The following KCNQ4 variants were observed in gnomAD, a reference collection of about 807,000 sequenced individuals.
The protein encoded by KCNQ4 is potassium voltage-gated channel subfamily KQT member 4.
In KCNQ4, 31 loss-of-function variants were observed where a neutral mutation model predicts 72.6. The observed-to-expected ratio is 0.43, with a 90% CI of 0.32 to 0.58. KCNQ4 has a LOEUF of 0.58. Among genes scored for constraint, KCNQ4 ranks in the 20% least tolerant of loss-of-function variants. The pLI is 0.08. For missense variants in KCNQ4, 869 were observed against 962.6 expected, an observed-to-expected ratio of 0.90 and a Z score of 1.29; for synonymous variants, 405 against 403.7, an observed-to-expected ratio of 1.00 and a Z score of -0.04.
intron 1 of KCNQ4, among the ~76,000 whole-genome samples, chr1:40,809,578 T>C (rs1161795862): frequency 6.6e-6 from 1 of 152,212 alleles, no homozygotes; most frequent in African/African-American, 2.4e-5. Flanking sequence ...CCCTACTTCC[T>C]GCGGTGTTTT....
At position 40,819,219 on chromosome 1, in the gene KCNQ4, C is replaced by G; in HGVS notation, c.709-128C>G. 2.6e-6 allele frequency: 3 copies of G among 1,145,320 alleles called. No homozygotes were observed. The South Asian group carries it at 3.9e-5, about 15-fold the overall frequency. 70.9% of individuals were successfully genotyped at this position (1,145,320 alleles called of 1,614,324 possible). On this transcript the variant is annotated intron_variant, in intron 4 of 13. Transcript: ENST00000347132. Reference sequence around the variant, plus strand: ...GGCAGGGTCGCCGTGATGGGAGGAGCTGAGAAAGAAAAGCGAGCCTGGGAC... The same window carrying G: ...GGCAGGGTCGCCGTGATGGGAGGAGGTGAGAAAGAAAAGCGAGCCTGGGAC...
At position 40,799,436 on chromosome 1, in the gene KCNQ4, C is replaced by A. The variant is rs1445867810; in HGVS notation, c.314+15029C>A. Reference sequence around the variant, plus strand: ...GGAGGCAAATGTGTGGGCCATGCCCCCCCCCTCGCTAGGCAGTAAACACTG... The same window carrying A: ...GGAGGCAAATGTGTGGGCCATGCCCACCCCCTCGCTAGGCAGTAAACACTG... On this transcript the variant is annotated intron_variant, in intron 1 of 13. Transcript: ENST00000347132. Among the ~76,000 whole-genome samples, 3 of 151,942 alleles carry A rather than the reference C, an allele frequency of 2.0e-5. No individual in the cohort carries two copies. The South Asian group carries it at 6.2e-4, about 32-fold the overall frequency.
chr1:40,818,942 T>A, intron 4 of KCNQ4: 1 of 597,728 alleles, frequency 1.7e-6, no homozygotes, highest in South Asian at 2.0e-5. Flanking sequence ...TTCCCCTGGA[T>A]GCTTCTGGGT....
chr1:40,835,921 T>A (rs1400621735), intron 12 of KCNQ4, among the ~76,000 whole-genome samples: 1 of 151,104 alleles, frequency 6.6e-6, no homozygotes, highest in Non-Finnish European at 1.5e-5. Context: ...GAGTGAGAGG[T>A]AGGAGGTGAG....
At chr1:40,793,812 C>T (rs1647336383) in intron 1 of KCNQ4, among the ~76,000 whole-genome samples, 1 of 152,208 alleles carries the variant, frequency 6.6e-6, no homozygotes, top group Non-Finnish European at 1.5e-5. Flanking sequence ...TCCTTCAACT[C>T]CCAGTTTGAG....
intron 1 of KCNQ4, among the ~76,000 whole-genome samples, chr1:40,813,058 A>C (rs1647973049): frequency 6.6e-6 from 1 of 152,158 alleles, no homozygotes; most frequent in African/African-American, 2.4e-5. Flanking sequence ...GGAGGTGGAA[A>C]TATGTTAGGT....
rs1441352332 is a variant in KCNQ4, at chr1:40,788,995, C to G, written c.314+4588C>G. The stretch of plus-strand genomic sequence containing the variant: ...ACAGACACTCACCATGGACACACAC[C>G]CGGGCCCGTGGCTCCAGCCCAGACC... On this transcript the variant is annotated intron_variant, in intron 1 of 13. Transcript: ENST00000347132. This position sits in a 1 kb window ranked among gnomAD's most constrained non-coding sequence, Gnocchi z 4.5. Among the ~76,000 whole-genome samples the G allele has an allele frequency of 6.6e-6, 1 of 152,204 alleles. No individual in the cohort carries two copies. The highest frequency in any genetic ancestry group is 1.5e-5 in the Non-Finnish European group (1 of 68,042).
Position 40,838,539 on chromosome 1 carries a change from C to A in KCNQ4, c.*16C>A, listed in dbSNP as rs772514841. 2 of 1,611,550 alleles carry A rather than the reference C, an allele frequency of 1.2e-6. No homozygotes were observed. Among genetic ancestry groups the A allele is most frequent in the Non-Finnish European group, 1.7e-6 (2 of 1,177,692 alleles). On this transcript the variant is annotated 3_prime_UTR_variant, in exon 14 of 14. Transcript: ENST00000347132. ...CATGGACTGAGGGACTTCTCAGAGG[C>A]AGGGCAGCACACGGCCAGCCCCGCG... is the stretch of plus-strand genomic sequence containing the variant.
Position 40,784,366 on chromosome 1 carries a change from G to A in KCNQ4, c.273G>A (p.Leu91=). The A allele has an allele frequency of 6.2e-7, 1 of 1,610,210 alleles. No homozygotes were observed. Among genetic ancestry groups the A allele is most frequent in the Non-Finnish European group, 8.5e-7 (1 of 1,179,400 alleles). The change falls in exon 1 of 14, where the codon CTG becomes CTA. Residue 91 remains leucine (L), a synonymous_variant. Coordinates refer to ENST00000347132, the MANE Select transcript of KCNQ4 (RefSeq NM_004700.4). This position sits in a 1 kb window ranked among gnomAD's most constrained non-coding sequence, Gnocchi z 4.1. ...TGCAGAACTGGGTCTACAACGTGCTGGAGCGGCCCCGCGGCTGGGCCTTCG... is the reference window on the plus strand; with the variant it reads ...TGCAGAACTGGGTCTACAACGTGCTAGAGCGGCCCCGCGGCTGGGCCTTCG... The part of the protein sequence containing the change: ...RRLQNWVYNV[L]ERPRGWAFVY...
chr1:40,784,230 G>A lies in KCNQ4; in HGVS notation c.137G>A (p.Gly46Asp), dbSNP rs774239825. Residue 46 changes from glycine to aspartate, a missense_variant, in exon 1 of 14, where the codon GGC (glycine) becomes GAC (aspartate). By Grantham distance (94) the Gly-to-Asp change is moderately conservative. Around this residue, in one of 5 missense-constraint regions of KCNQ4, gnomAD observed 178 missense variants for 145.3 expected, o/e 1.22. Transcript: ENST00000347132. This position sits in a 1 kb window ranked among gnomAD's most constrained non-coding sequence, Gnocchi z 4.1. ...GGGGGCGGCTCCCCGCGCCGCCTCGGCCTCCTGGGCAGCCCCCTGCCGCCG... is the reference window on the plus strand; with the variant it reads ...GGGGGCGGCTCCCCGCGCCGCCTCGACCTCCTGGGCAGCCCCCTGCCGCCG... ...AGGGGSPRRL[G>D]LLGSPLPPGA... The A allele has an allele frequency of 2.7e-5, 33 of 1,221,478 alleles. No homozygotes were observed. The South Asian group carries it at 9.5e-4, about 35-fold the overall frequency. The allele number at this position is 1,221,478 out of a possible 1,614,324, so 75.7% of individuals were successfully genotyped here.
At position 40,818,260 on chromosome 1, in the gene KCNQ4, C is replaced by G. The variant is rs1201758120; in HGVS notation, c.502C>G (p.Arg168Gly). 6.2e-7 allele frequency: 1 copy of G among 1,613,864 alleles called. No individual in the cohort carries two copies. Among genetic ancestry groups the G allele is most frequent in the African/African-American group, 1.3e-5 (1 of 74,922 alleles). The change falls in exon 3 of 14, where the codon CGC becomes GGC. Residue 168 changes from arginine to glycine, a missense_variant. This residue lies in a region of KCNQ4 where 179 missense variants were observed against 243.0 expected (regional missense o/e 0.74). Coordinates refer to ENST00000347132, the MANE Select transcript of KCNQ4 (RefSeq NM_004700.4). ...CRYRGWQGRFRFARKPFCVID... is the reference protein window; with the variant it reads ...CRYRGWQGRFGFARKPFCVID... ...CTACCGAGGATGGCAGGGTCGCTTC[C>G]GCTTTGCCAGAAAGCCCTTCTGTGT...
chr1:40,785,553 C>T (rs1266716297), intron 1 of KCNQ4, among the ~76,000 whole-genome samples: 2 of 152,134 alleles, frequency 1.3e-5, no homozygotes, highest in African/African-American at 2.4e-5. Flanking sequence ...CACCTGTGTG[C>T]GAGTTGGCCA....
At chr1:40,823,076 T>C (rs1271910718) in intron 8 of KCNQ4, among the ~76,000 whole-genome samples, 3 of 152,208 alleles carry the variant, frequency 2.0e-5, no homozygotes, top group Non-Finnish European at 2.9e-5. Flanking sequence ...ATCAAGCTTG[T>C]GGCTGGGGCA....
intron 5 of KCNQ4, 37 bp from the exon 6 acceptor site, chr1:40,819,838 G>A (rs1648230397): frequency 6.5e-7 from 1 of 1,536,518 alleles, no homozygotes. Context: ...GGTGGCCCCC[G>A]TGACCAGTCC....
intron 1 of KCNQ4, among the ~76,000 whole-genome samples, chr1:40,802,656 G>A (rs957209361): frequency 2.0e-5 from 3 of 152,190 alleles, no homozygotes; most frequent in Non-Finnish European, 4.4e-5. Context: ...AGGGGGCCGA[G>A]GGCTGTGCTG....
intron 1 of KCNQ4, among the ~76,000 whole-genome samples, chr1:40,807,909 G>A (rs976593713): frequency 2.0e-5 from 3 of 152,144 alleles, no homozygotes; most frequent in African/African-American, 7.2e-5. Context: ...ACTTGAGCTT[G>A]GGGGTTGGAG....
At chr1:40,795,541 C>T (rs755866843) in intron 1 of KCNQ4, among the ~76,000 whole-genome samples, 2 of 152,136 alleles carry the variant, frequency 1.3e-5, no homozygotes, top group Non-Finnish European at 2.9e-5. Context: ...AGATTACGGA[C>T]ATGAGCCACT....
intron 1 of KCNQ4, among the ~76,000 whole-genome samples, chr1:40,811,081 A>G (rs1331650927): frequency 6.6e-6 from 1 of 152,134 alleles, no homozygotes; most frequent in Non-Finnish European, 1.5e-5. Flanking sequence ...CCCTCTCCTT[A>G]TCAGGGTGAT....
In KCNQ4 at chr1:40,837,742, A is replaced by C; in HGVS notation, c.1823A>C (p.Glu608Ala). The stretch of plus-strand genomic sequence containing the variant: ...GGCGACAAGGGGCCCTCCGACGCGG[A>C]GGTGGTGGATGAAATCAGCATGATG... ...EKGDKGPSDA[E>A]VVDEISMMGR... The change falls in exon 13 of 14, where the codon GAG becomes GCG. Residue 608 changes from glutamate to alanine, a missense_variant. Physicochemically the swap from Glu to Ala is moderately radical, Grantham distance 107 (BLOSUM62 -1). Coordinates refer to ENST00000347132, the MANE Select transcript of KCNQ4 (RefSeq NM_004700.4). The C allele has an allele frequency of 6.2e-7, 1 of 1,612,516 alleles. No individual in the cohort carries two copies. The highest frequency in any genetic ancestry group is 8.5e-7 in the Non-Finnish European group (1 of 1,179,450).
Sources: gnomAD v4.1 joint callset for allele counts (sites outside exome capture counted in the v4.1 genomes callset) on GRCh38, gnomAD v4.1.1 for gene constraint, gnomAD v4.1.1 regional missense constraint, Gnocchi (gnomAD v3.1) non-coding constraint, MANE v1.5 for transcripts, NCBI Gene and HGNC (gene_info 2026-07-23, HGNC 2026-07-21) for gene names.